MAGI2: variants seen among roughly 807,000 people sequenced by gnomAD.
MAGI2 encodes the protein membrane associated guanylate kinase, WW and PDZ domain containing 2.
Under a neutral mutation model 133.3 loss-of-function variants are expected in MAGI2, and 35 were observed. The ratio of observed to expected loss-of-function variants is 0.26; its 90% confidence interval spans 0.20 to 0.35. The LOEUF (loss-of-function observed/expected upper bound fraction) is 0.35. Among genes scored for constraint, MAGI2 ranks in the 10% least tolerant of loss-of-function variants. MAGI2 has a pLI of 1.00. For synonymous variants in MAGI2, 729 were observed against 710.6 expected (o/e 1.03, Z -0.41); for missense variants, 1,636 against 1,863.4 (o/e 0.88, Z 2.25).
rs770854708 is a variant in MAGI2 at position 78,530,439 on chromosome 7, AGAAT to A, written c.539-8798_539-8795del. ...TATAGGATAGAAGGTAAACAAAAAAAGAATGAATGTTTTAGGCAAATAAGCATGG... is the reference window on the plus strand; with the variant it reads ...TATAGGATAGAAGGTAAACAAAAAAAGAATGTTTTAGGCAAATAAGCATGG... On this transcript the variant is annotated intron_variant, in intron 3 of 21. Transcript: ENST00000354212. 8.5e-5 allele frequency among the ~76,000 whole-genome samples: 13 copies of A among 152,378 alleles called. No individual in the cohort carries two copies. The South Asian group carries it at 2.7e-3, about 32-fold the overall frequency.
intron 9 of MAGI2, among the ~76,000 whole-genome samples, chr7:78,333,393 T>C (rs990101454): frequency 6.6e-6 from 1 of 152,142 alleles, no homozygotes; most frequent in East Asian, 1.9e-4. Context: ...CTGCAGCAGA[T>C]AAAAGATTAC....
intron 1 of MAGI2, among the ~76,000 whole-genome samples, chr7:79,068,204 G>A (rs1455795112): frequency 1.3e-5 from 2 of 152,120 alleles, no homozygotes; most frequent in African/African-American, 2.4e-5. Context: ...TGTACCTCTG[G>A]TAGAATTCGG....
intron 20 of MAGI2, among the ~76,000 whole-genome samples, chr7:78,080,554 C>A (rs940960757): frequency 4.3e-4 from 66 of 152,304 alleles, no homozygotes; most frequent in Non-Finnish European, 4.4e-5. Flanking sequence ...ACAACAGAAA[C>A]CTCATGGCAC....
chr7:78,720,629 A>G (rs1820172872), intron 2 of MAGI2, among the ~76,000 whole-genome samples: 1 of 152,124 alleles, frequency 6.6e-6, no homozygotes, highest in Non-Finnish European at 1.5e-5. Flanking sequence ...ACCACCATAT[A>G]CAAAGCAGCT....
At chr7:79,082,951 A>G (rs1235036358) in intron 1 of MAGI2, among the ~76,000 whole-genome samples, 1 of 151,764 alleles carries the variant, frequency 6.6e-6, no homozygotes, top group Admixed American at 6.6e-5. Flanking sequence ...ATGCTATTAT[A>G]AATAAAATTG....
chr7:78,627,353 G>A, intron 2 of MAGI2, 114 bp from the exon 3 acceptor site: 1 of 1,006,442 alleles, frequency 9.9e-7, no homozygotes. Context: ...CATCCTGCAA[G>A]TTGGCAGTTT....
At chr7:78,956,461 C>G (rs1251186559) in intron 2 of MAGI2, among the ~76,000 whole-genome samples, 1 of 152,134 alleles carries the variant, frequency 6.6e-6, no homozygotes, top group Non-Finnish European at 1.5e-5. Flanking sequence ...AACTTCCAGT[C>G]TGGAGAACAA....
At chr7:79,114,793 T>A (rs1301454758) in intron 1 of MAGI2, among the ~76,000 whole-genome samples, 2 of 152,182 alleles carry the variant, frequency 1.3e-5, no homozygotes, top group Non-Finnish European at 2.9e-5. Context: ...ACCACCACAC[T>A]GCTTGTTAGT....
chr7:78,180,924 ATTTTTTT>A (rs371615787), intron 13 of MAGI2, among the ~76,000 whole-genome samples: 94 of 108,000 alleles, frequency 8.7e-4, no homozygotes, highest in South Asian at 1.9e-3. Flanking sequence ...AGGCAGCAGT[ATTTTTTT>A]TTTTTTTTTT....
At chr7:79,189,903 T>C (rs186102546) in intron 1 of MAGI2, among the ~76,000 whole-genome samples, 120 of 151,958 alleles carry the variant, frequency 7.9e-4, no homozygotes, top group Non-Finnish European at 1.4e-3. Flanking sequence ...TTTCTTCTTT[T>C]ACTTAGTAAT....
At chr7:78,126,014 G>A (rs1048028267) in intron 19 of MAGI2, among the ~76,000 whole-genome samples, 177 bp from the exon 20 acceptor site, 1 of 152,150 alleles carries the variant, frequency 6.6e-6, no homozygotes, top group Non-Finnish European at 1.5e-5. Context: ...AATTCCAAAG[G>A]TTTGAGCAGG....
chr7:78,469,756 A>G (rs1356302635), intron 6 of MAGI2, among the ~76,000 whole-genome samples: 1 of 152,232 alleles, frequency 6.6e-6, no homozygotes, highest in Admixed American at 6.5e-5. Context: ...CTGATATTCC[A>G]ATTTAGAATC....
chr7:78,870,978 A>T (rs979516919), intron 2 of MAGI2, among the ~76,000 whole-genome samples: 1 of 152,196 alleles, frequency 6.6e-6, no homozygotes, highest in Non-Finnish European at 1.5e-5. Context: ...GTTCTCACTT[A>T]TAAGTGGGAG....
intron 2 of MAGI2, among the ~76,000 whole-genome samples, chr7:78,990,122 T>A (rs1365425141): frequency 6.6e-6 from 1 of 152,070 alleles, no homozygotes; most frequent in African/African-American, 2.4e-5. Flanking sequence ...AGCATCTTAA[T>A]TCATTTAATA....
intron 20 of MAGI2, among the ~76,000 whole-genome samples, chr7:78,108,851 A>ATATATC (rs1382903596): frequency 2.6e-5 from 4 of 152,122 alleles, no homozygotes; most frequent in African/African-American, 7.2e-5. Context: ...GAAGATATCA[A>ATATATC]TATATCTATA....
At chr7:78,512,968 AT>A (rs1795731326) in intron 4 of MAGI2, among the ~76,000 whole-genome samples, 1 of 152,212 alleles carries the variant, frequency 6.6e-6, no homozygotes, top group African/African-American at 2.4e-5. Flanking sequence ...AGAAGAAAAT[AT>A]CTAAAGATAT....
chr7:78,300,894 T>C (rs73700761), intron 9 of MAGI2, among the ~76,000 whole-genome samples: 100 of 152,302 alleles, frequency 6.6e-4, no homozygotes, highest in African/African-American at 1.9e-3. Flanking sequence ...CTGATCTCAA[T>C]TGGGAGGCGT....
intron 1 of MAGI2, among the ~76,000 whole-genome samples, chr7:79,098,158 C>T (rs912641175): frequency 6.6e-6 from 1 of 152,102 alleles, no homozygotes; most frequent in African/African-American, 2.4e-5. Flanking sequence ...TTATTCTTTC[C>T]TTCCTCCTTC....
At chr7:79,154,104 A>G (rs1430206819) in intron 1 of MAGI2, among the ~76,000 whole-genome samples, 5 of 152,198 alleles carry the variant, frequency 3.3e-5, no homozygotes, top group African/African-American at 1.2e-4. Context: ...CTTATAAAGG[A>G]CCATTTACAA....
Sources: gnomAD v4.1 joint callset for allele counts (sites outside exome capture counted in the v4.1 genomes callset) on GRCh38, gnomAD v4.1.1 for gene constraint, MANE v1.5 for transcripts, NCBI Gene and HGNC (gene_info 2026-07-23, HGNC 2026-07-21) for gene names.